LOXL4: variants seen among roughly 807,000 people sequenced by gnomAD.
LOXL4 encodes lysyl oxidase homolog 4.
Under a neutral mutation model 89.1 loss-of-function variants are expected in LOXL4, and 72 were observed. The ratio of observed to expected loss-of-function variants is 0.81; its 90% confidence interval spans 0.67 to 0.98. LOXL4 has a LOEUF of 0.98. Ranked by LOEUF, LOXL4 falls within the 50% of genes least tolerant of loss-of-function variation. The pLI, the probability that LOXL4 is intolerant of heterozygous loss-of-function variation, is 0.00. For missense variants in LOXL4, 984 were observed against 1,017.5 expected (o/e 0.97, Z 0.45); for synonymous variants, 355 against 392.1 (o/e 0.91, Z 1.12).
At chr10:98,250,484 A>G (rs1174393135) in intron 14 of LOXL4, among the ~76,000 whole-genome samples, 3 of 152,244 alleles carry the variant, frequency 2.0e-5, no homozygotes, top group Admixed American at 2.0e-4. Context: ...GTGAATGCAT[A>G]TCCCATAGCA....
intron 4 of LOXL4, among the ~76,000 whole-genome samples, 196 bp downstream of exon 4, chr10:98,260,726 A>G (rs1858511649): frequency 6.6e-6 from 1 of 152,004 alleles, no homozygotes; most frequent in Non-Finnish European, 1.5e-5. Flanking sequence ...GCCAGTCAGT[A>G]CTCACTGAAC....
At chr10:98,249,058 C>CA (rs1259607597) in intron 14 of LOXL4, 67 bp from the exon 15 acceptor site, 2 of 1,212,234 alleles carry the variant, frequency 1.6e-6, no homozygotes, top group Non-Finnish European at 2.4e-6. Flanking sequence ...TGACAACTTA[C>CA]ATAGATCCAC....
Position 98,248,868 on chromosome 10 carries a change from T to A in LOXL4, c.*53A>T. 2 of 1,511,218 alleles carry A rather than the reference T, an allele frequency of 1.3e-6. No homozygotes were observed. The highest frequency in any genetic ancestry group is 1.8e-6 in the Non-Finnish European group (2 of 1,093,740). The allele number at this position is 1,511,218 out of a possible 1,614,324, so 93.6% of individuals were successfully genotyped here. ...GACTCTGTGAAGGGCATGGCTCCAA[T>A]AAGCTGAGGTATCTGGTGTATCGGC... is the stretch of plus-strand genomic sequence containing the variant. On this transcript the variant is annotated 3_prime_UTR_variant, in exon 15 of 15. Transcript: ENST00000260702.
At chr10:98,266,246 AC>A (rs1430312207) in intron 1 of LOXL4, among the ~76,000 whole-genome samples, 3 of 150,966 alleles carry the variant, frequency 2.0e-5, no homozygotes, top group Admixed American at 2.0e-4. Context: ...CTTCTCTACC[AC>A]CCCCAGGAGT....
At chr10:98,264,664 G>A (rs918219219) in intron 1 of LOXL4, among the ~76,000 whole-genome samples, 1 of 152,026 alleles carries the variant, frequency 6.6e-6, no homozygotes, top group African/African-American at 2.4e-5. Flanking sequence ...CCTTGGTCCC[G>A]GGACCAGCAG....
At chr10:98,262,423 T>C (rs945907411) in intron 2 of LOXL4, among the ~76,000 whole-genome samples, 5 of 152,248 alleles carry the variant, frequency 3.3e-5, no homozygotes, top group African/African-American at 1.2e-4. Context: ...AATCTGTTTT[T>C]GGAAAATGCC....
intron 2 of LOXL4, 113 bp from the exon 3 acceptor site, chr10:98,262,326 G>A: frequency 8.8e-7 from 1 of 1,141,540 alleles, no homozygotes; most frequent in Admixed American, 2.5e-5. Flanking sequence ...CTGGGAGAAA[G>A]TGGCAGGGAG....
In LOXL4 at chr10:98,255,638, G is replaced by A. The variant is rs150847257; in HGVS notation, c.1530C>T (p.His510=). The A allele has an allele frequency of 2.5e-5, 41 of 1,613,380 alleles. No individual in the cohort carries two copies. Among genetic ancestry groups the A allele is most frequent in the African/African-American group, 1.7e-4 (13 of 74,924 alleles). ...TELALQQCQR[H]GPVHCSHGGG... ...CACCGTGGGAGCAGTGCACCGGCCC[G>A]TGCCTCTGGCACTGCTGCAGGGCCA... is the stretch of plus-strand genomic sequence containing the variant. The change falls in exon 10 of 15, where the codon CAC becomes CAT. Residue 510 remains histidine (H), a synonymous_variant. Transcript: ENST00000260702.
chr10:98,256,579 G>C, intron 9 of LOXL4: 1 of 605,478 alleles, frequency 1.7e-6, no homozygotes, highest in East Asian at 2.9e-5. Flanking sequence ...ATGCAAATGT[G>C]TCCCTCATTG....
At chr10:98,267,977 G>A (rs908435526) in intron 1 of LOXL4, among the ~76,000 whole-genome samples, 155 bp downstream of exon 1, 1 of 152,170 alleles carries the variant, frequency 6.6e-6, no homozygotes, top group Non-Finnish European at 1.5e-5. Flanking sequence ...TGAGCGACTG[G>A]AGGGCCGGGC....
At chr10:98,267,927 C>T (rs1254318171) in intron 1 of LOXL4, among the ~76,000 whole-genome samples, 1 of 152,160 alleles carries the variant, frequency 6.6e-6, no homozygotes. Flanking sequence ...TTGGGCCAAG[C>T]TCCCCAGCGT....
At chr10:98,249,810 T>C (rs145079646) in intron 14 of LOXL4, among the ~76,000 whole-genome samples, 1 of 152,330 alleles carries the variant, frequency 6.6e-6, no homozygotes, top group East Asian at 1.9e-4. Context: ...AGTTCCTGGT[T>C]CCTCTCAATA....
At position 98,255,431 on chromosome 10, in the gene LOXL4, T is replaced by A. The variant is rs1858330666; in HGVS notation, c.1591+146A>T. The A allele has an allele frequency of 9.4e-6, 8 of 849,698 alleles. No individual in the cohort carries two copies. In the South Asian group the frequency reaches 1.8e-4, roughly 19 times the overall value. The allele number at this position is 849,698 out of a possible 1,614,324, so 52.6% of individuals were successfully genotyped here. A position where few individuals can be genotyped will look rare whatever the true frequency, so the allele number is the denominator to read the frequency against. On this transcript the variant is annotated intron_variant, in intron 10 of 14. Coordinates refer to ENST00000260702, the MANE Select transcript of LOXL4 (RefSeq NM_032211.7). Reference sequence around the variant, plus strand: ...TATGGATCCTGATGGGATGGGTGATTTGGCCACACAGCTGGGAAATGGCAG... The same window carrying A: ...TATGGATCCTGATGGGATGGGTGATATGGCCACACAGCTGGGAAATGGCAG...
At chr10:98,265,311 G>T (rs910851426) in intron 1 of LOXL4, among the ~76,000 whole-genome samples, 4 of 151,976 alleles carry the variant, frequency 2.6e-5, no homozygotes, top group African/African-American at 9.7e-5. Flanking sequence ...TAGGATTTTT[G>T]TAAAGATTAA....
At chr10:98,262,238 A>G (rs747643027) in intron 2 of LOXL4, 25 bp from the exon 3 acceptor site, 1 of 1,611,492 alleles carries the variant, frequency 6.2e-7, no homozygotes, top group South Asian at 1.1e-5. Context: ...TGATGCTCAA[A>G]GATGGCACAG....
intron 6 of LOXL4, 125 bp downstream of exon 6, chr10:98,258,884 C>CA: frequency 3.0e-6 from 2 of 675,890 alleles, no homozygotes; most frequent in Non-Finnish European, 5.0e-6. Flanking sequence ...TTCTGTGATT[C>CA]ACTCTCCTCC....
intron 1 of LOXL4, among the ~76,000 whole-genome samples, chr10:98,266,009 T>G (rs1858675242): frequency 6.6e-6 from 1 of 152,196 alleles, no homozygotes; most frequent in Non-Finnish European, 1.5e-5. Flanking sequence ...GTCTTCTGCA[T>G]GTCACTCAGA....
Position 98,262,784 on chromosome 10 carries a change from G to T in LOXL4, c.236C>A (p.Ala79Asp). ...CTTGGCACTGTGGGCCCAGGTCAAG[G>T]CAGCTTCGAAGCCCAGCTGGCGGCA... is the stretch of plus-strand genomic sequence containing the variant. ...VACRQLGFEA[A>D]LTWAHSAKYG... Residue 79 changes from alanine to aspartate, a missense_variant, in exon 2 of 15, where the codon GCC (alanine) becomes GAC (aspartate). Ala to Asp is a moderately radical substitution (Grantham distance 126, BLOSUM62 -2). Transcript: ENST00000260702. 1 of 1,613,422 alleles carries T rather than the reference G, an allele frequency of 6.2e-7. No homozygotes were observed. The highest frequency in any genetic ancestry group is 8.5e-7 in the Non-Finnish European group (1 of 1,180,044).
chr10:98,261,555 C>G (rs1442894441), intron 3 of LOXL4, among the ~76,000 whole-genome samples: 1 of 152,208 alleles, frequency 6.6e-6, no homozygotes, highest in African/African-American at 2.4e-5. Flanking sequence ...ACCCCCAACC[C>G]TAGCCCTGGG....
Sources: gnomAD v4.1 joint callset for allele counts (sites outside exome capture counted in the v4.1 genomes callset) on GRCh38, gnomAD v4.1.1 for gene constraint, MANE v1.5 for transcripts, NCBI Gene and HGNC (gene_info 2026-07-23, HGNC 2026-07-21) for gene names.